Variants in CD69 observed in about 807,000 individuals in gnomAD.
CD69 encodes the protein early activation antigen CD69.
CD69 carries 10 observed loss-of-function variants against 21.4 expected under a neutral mutation model. The ratio of observed to expected loss-of-function variants is 0.47; its 90% confidence interval spans 0.29 to 0.79. The LOEUF (loss-of-function observed/expected upper bound fraction) is 0.79. CD69 is among the 30% of genes least tolerant of loss of function. The pLI is 0.09. For missense variants in CD69, 204 were observed against 236.9 expected (o/e 0.86, Z 0.91); for synonymous variants, 63 against 78.2 (o/e 0.81, Z 1.03).
chr12:9,753,094 A>G lies in CD69; in HGVS notation c.*387T>C, dbSNP rs11052877. The G allele has an allele frequency of 0.34, 51,989 of 153,716 alleles. 9,201 individuals carry two copies. Among genetic ancestry groups the G allele is most frequent in the Middle Eastern group, 0.53 (158 of 298 alleles). The allele number at this position is 153,716 out of a possible 1,614,324, so 9.5% of individuals were successfully genotyped here. ...TAGTACCAACATCTAACTCCTTCCA[A>G]TAGTGCAAATGCATGAAGGGCTCTC... On this transcript the variant is annotated 3_prime_UTR_variant, in exon 5 of 5. Transcript: ENST00000228434.
At position 9,755,230 on chromosome 12, in the gene CD69, T is replaced by C; in HGVS notation, c.219A>G (p.Thr73=). ...VGQYNCPGQY[T]FSMPSDSHVS... ...CATGGCTGTCTGATGGCATTGAGAATGTGTATTGGCCTGGACAATTGTATT... is the reference window on the plus strand; with the variant it reads ...CATGGCTGTCTGATGGCATTGAGAACGTGTATTGGCCTGGACAATTGTATT... The change falls in exon 3 of 5, where the codon ACA becomes ACG. Residue 73 remains threonine, a synonymous_variant. Transcript: ENST00000228434. The C allele has an allele frequency of 6.2e-7, 1 of 1,614,134 alleles. No individual in the cohort carries two copies. Among genetic ancestry groups the C allele is most frequent in the Non-Finnish European group, 8.5e-7 (1 of 1,179,978 alleles).
rs761753516 is a variant in CD69, at chr12:9,756,418, A to C, written c.66T>G (p.Asn22Lys). The C allele has an allele frequency of 6.2e-6, 10 of 1,613,212 alleles. No homozygotes were observed. The Admixed American group carries it at 1.7e-4, about 27-fold the overall frequency. ...TTGAGAAATGGGGACTGGTGGCATC[A>C]TCTGGAAGGGAGAAAGTTGATGATG... ...SSLHPESGQE[N>K]DATSPHFSTR... The change falls in exon 2 of 5, where the codon AAT becomes AAG. Residue 22 changes from asparagine (N) to lysine (K), a missense_variant and splice_region_variant. By Grantham distance (94) the Asn-to-Lys change is moderately conservative. Transcript: ENST00000228434.
chr12:9,757,893 C>T (rs12368445), intron 1 of CD69, among the ~76,000 whole-genome samples: 10,085 of 152,146 alleles, frequency 0.066, 332 homozygotes, highest in Non-Finnish European at 0.083. Context: ...GTGCATTCAT[C>T]GTATGTGAAC....
At chr12:9,757,071 C>A (rs984835012) in intron 1 of CD69, among the ~76,000 whole-genome samples, 2 of 151,768 alleles carry the variant, frequency 1.3e-5, no homozygotes, top group Non-Finnish European at 2.9e-5. Context: ...CAGAGTGAGA[C>A]CTTGTCTAAA....
intron 1 of CD69, 72 bp from the exon 2 acceptor site, chr12:9,756,491 T>A: frequency 8.0e-7 from 1 of 1,250,338 alleles, no homozygotes; most frequent in Admixed American, 2.5e-5. Context: ...AACATTCTTT[T>A]GAGGCATTTA....
rs1239944338 is a variant in CD69 at position 9,754,327 on chromosome 12, C to T, written c.491+260G>A. ...TATTATTGAAATATTTCCAAATTAA[C>T]CAGATCTACTACTCACATTAGAGTT... On this transcript the variant is annotated intron_variant, in intron 4 of 4. Coordinates refer to ENST00000228434, the MANE Select transcript of CD69 (RefSeq NM_001781.2). 1.3e-5 allele frequency: 3 copies of T among 236,274 alleles called. No homozygotes were observed. In the East Asian group the frequency reaches 2.6e-4, roughly 21 times the overall value. 14.6% of individuals were successfully genotyped at this position (236,274 alleles called of 1,614,324 possible). A position where few individuals can be genotyped will look rare whatever the true frequency, so the allele number is the denominator to read the frequency against.
chr12:9,756,216 A>C (rs1225229795), intron 2 of CD69, 81 bp downstream of exon 2: 10 of 1,328,352 alleles, frequency 7.5e-6, no homozygotes, highest in Non-Finnish European at 1.0e-5. Context: ...GATTAACTAG[A>C]CTAAACTAAT....
rs1866645227 is a variant in CD69, at chr12:9,753,354, C to A, written c.*127G>T. The A allele has an allele frequency of 3.2e-6, 1 of 313,656 alleles. No homozygotes were observed. The highest frequency in any genetic ancestry group is 3.7e-5 in the East Asian group (1 of 27,382). The allele number at this position is 313,656 out of a possible 1,614,324, so 19.4% of individuals were successfully genotyped here. A position where few individuals can be genotyped will look rare whatever the true frequency, so the allele number is the denominator to read the frequency against. On this transcript the variant is annotated 3_prime_UTR_variant, in exon 5 of 5. Coordinates refer to ENST00000228434, the MANE Select transcript of CD69 (RefSeq NM_001781.2). ...ATAGTTCTGTTTGGAAGAAAATTCCCAAGACACTATAAAATTTTTTTTCAC... is the reference window on the plus strand; with the variant it reads ...ATAGTTCTGTTTGGAAGAAAATTCCAAAGACACTATAAAATTTTTTTTCAC...
Position 9,756,373 on chromosome 12 carries a change from G to A in CD69, c.111C>T (p.Phe37=). 6.2e-7 allele frequency: 1 copy of A among 1,613,798 alleles called. No individual in the cohort carries two copies. The highest frequency in any genetic ancestry group is 1.1e-5 in the South Asian group (1 of 91,074). The change falls in exon 2 of 5, where the codon TTC becomes TTT. Residue 37 remains phenylalanine, a synonymous_variant. Transcript: ENST00000228434. ...PHFSTRHEGS[F]QVPVLCAVMN... ...TTACAGCACACAGGACAGGAACTTG[G>A]AAGGACCCTTCATGACGTGTTGAGA...
intron 4 of CD69, 195 bp downstream of exon 4, chr12:9,754,392 A>G (rs912896888): frequency 1.8e-5 from 8 of 433,858 alleles, no homozygotes; most frequent in African/African-American, 1.4e-4. Flanking sequence ...TTTATGTATT[A>G]TAAGTGTGGA....
rs3176798 is a variant in CD69, at chr12:9,755,190, C to T, written c.259G>A (p.Glu87Lys). The T allele has an allele frequency of 6.2e-6, 10 of 1,613,940 alleles. No individual in the cohort carries two copies. Among genetic ancestry groups the T allele is most frequent in the Non-Finnish European group, 8.5e-6 (10 of 1,179,956 alleles). ...PSDSHVSSCS[E>K]DWVGYQRKCY... The stretch of plus-strand genomic sequence containing the variant: ...TTCCTCTGGTAGCCAACCCAGTCCT[C>T]AGAGCATGAAGAAACATGGCTGTCT... Residue 87 changes from glutamate to lysine, a missense_variant, in exon 3 of 5, where the codon GAG becomes AAG. Physicochemically the swap from Glu to Lys is moderately conservative, Grantham distance 56. Transcript: ENST00000228434.
intron 3 of CD69, 114 bp from the exon 4 acceptor site, chr12:9,754,804 T>C (rs2121098021): frequency 1.3e-6 from 1 of 773,310 alleles, no homozygotes; most frequent in Admixed American, 2.0e-5. Context: ...TCTGACCATG[T>C]ACTCATTCTA....
rs555443844 is a variant in CD69 at position 9,756,366 on chromosome 12, G to A, written c.118C>T (p.Pro40Ser). 12 of 1,613,672 alleles carry A rather than the reference G, an allele frequency of 7.4e-6. No individual in the cohort carries two copies. The South Asian group carries it at 1.3e-4, about 18-fold the overall frequency. Residue 40 changes from proline to serine, a missense_variant, in exon 2 of 5, where the codon CCT becomes TCT. Coordinates refer to ENST00000228434, the MANE Select transcript of CD69 (RefSeq NM_001781.2). Reference sequence around the variant, plus strand: ...ACATTCATTACAGCACACAGGACAGGAACTTGGAAGGACCCTTCATGACGT... The same window carrying A: ...ACATTCATTACAGCACACAGGACAGAAACTTGGAAGGACCCTTCATGACGT... ...STRHEGSFQV[P>S]VLCAVMNVVF...
chr12:9,757,871 T>C (rs1263051673), intron 1 of CD69, among the ~76,000 whole-genome samples: 1 of 152,222 alleles, frequency 6.6e-6, no homozygotes, highest in Non-Finnish European at 1.5e-5. Flanking sequence ...TTAAACTGTA[T>C]ACCTACGAGC....
At chr12:9,756,912 C>T (rs1866684384) in intron 1 of CD69, among the ~76,000 whole-genome samples, 1 of 151,942 alleles carries the variant, frequency 6.6e-6, no homozygotes, top group African/African-American at 2.4e-5. Flanking sequence ...AACCCTGTCT[C>T]CACCAAAAAT....
At chr12:9,754,344 A>T in intron 4 of CD69, 1 of 295,314 alleles carries the variant, frequency 3.4e-6, no homozygotes, top group Non-Finnish European at 6.3e-6. Flanking sequence ...TACTACTCAC[A>T]TTAGAGTTTG....
At position 9,753,253 on chromosome 12, in the gene CD69, C is replaced by CA; in HGVS notation, c.*227dup. ...CTCATTCTTGGGCATGGTTATTGGTCAACCTGTGATGCTTCTAGCTCATGG... is the reference window on the plus strand; with the variant it reads ...CTCATTCTTGGGCATGGTTATTGGTCAAACCTGTGATGCTTCTAGCTCATGG... On this transcript the variant is annotated 3_prime_UTR_variant, in exon 5 of 5. Coordinates refer to ENST00000228434, the MANE Select transcript of CD69 (RefSeq NM_001781.2). The CA allele has an allele frequency of 3.2e-6, 1 of 311,898 alleles. No homozygotes were observed. The highest frequency in any genetic ancestry group is 5.8e-6 in the Non-Finnish European group (1 of 170,950). The allele number at this position is 311,898 out of a possible 1,614,324, so 19.3% of individuals were successfully genotyped here.
intron 1 of CD69, among the ~76,000 whole-genome samples, chr12:9,759,173 C>T (rs1437433918): frequency 1.3e-5 from 2 of 152,148 alleles, no homozygotes; most frequent in Non-Finnish European, 2.9e-5. Context: ...TCGTGATCCG[C>T]CCACCTCGGC....
intron 1 of CD69, among the ~76,000 whole-genome samples, chr12:9,759,484 GTTATTATTA>G (rs57945372): frequency 1.3e-5 from 2 of 148,288 alleles, no homozygotes; most frequent in Admixed American, 6.8e-5. Context: ...TTATTGAGTA[GTTATTATTA>G]TTATTATTAT....
Sources: gnomAD v4.1 joint callset for allele counts (sites outside exome capture counted in the v4.1 genomes callset) on GRCh38, gnomAD v4.1.1 for gene constraint, MANE v1.5 for transcripts, NCBI Gene and HGNC (gene_info 2026-07-23, HGNC 2026-07-21) for gene names.